The following SOX6 variants were observed in gnomAD, a reference collection of about 807,000 sequenced individuals.
SOX6 encodes the protein SRY-box transcription factor 6.
In SOX6, 11 loss-of-function variants were observed where a neutral mutation model predicts 97.8. The observed-to-expected ratio is 0.11, with a 90% CI of 0.07 to 0.19. SOX6 has a LOEUF of 0.19. Ranked by LOEUF, SOX6 falls within the 10% of genes least tolerant of loss-of-function variation. SOX6 has a pLI of 1.00. For missense variants in SOX6, 810 were observed against 1,039.5 expected (o/e 0.78, Z 3.04); for synonymous variants, 360 against 371.4 (o/e 0.97, Z 0.35).
chr11:16,111,727 T>C (rs369892036), intron 7 of SOX6, 76 bp downstream of exon 7: 33 of 1,551,854 alleles, frequency 2.1e-5, no homozygotes, highest in African/African-American at 1.8e-4. Context: ...CATGCTCCTG[T>C]GTTTGTTGTG....
At chr11:16,004,211 A>G (rs1037164796) in intron 13 of SOX6, among the ~76,000 whole-genome samples, 15 of 152,038 alleles carry the variant, frequency 9.9e-5, no homozygotes, top group African/African-American at 3.6e-4. Flanking sequence ...TCCTCATTCC[A>G]AATGAGGAAA....
Position 16,613,057 on chromosome 11 carries a change from GA to G in SOX6, n.430-798del. Reference sequence around the variant, plus strand: ...GTTGAGTTTAGGGAATGTCTGGAAAGAAAAAAAGGGAGGAAAAAAGGAGGGG... The same window carrying G: ...GTTGAGTTTAGGGAATGTCTGGAAAGAAAAAAGGGAGGAAAAAAGGAGGGG... On this transcript the variant is annotated intron_variant and non_coding_transcript_variant, in intron 3 of 5. Transcript: ENST00000524520. This position sits in a 1 kb window ranked among gnomAD's most constrained non-coding sequence, Gnocchi z 4.6. The G allele has an allele frequency of 1.3e-5, 2 of 152,414 alleles. No homozygotes were observed. The highest frequency in any genetic ancestry group is 2.9e-5 in the Non-Finnish European group (2 of 68,346). The allele number at this position is 152,414 out of a possible 1,614,324, so 9.4% of individuals were successfully genotyped here.
intron 2 of SOX6, among the ~76,000 whole-genome samples, chr11:16,726,258 G>T (rs1848305827): frequency 6.6e-6 from 1 of 152,044 alleles, no homozygotes; most frequent in African/African-American, 2.4e-5. Context: ...AAAATACAAA[G>T]ATCAGCTGGG....
chr11:16,449,929 T>A (rs1452712813), intron 1 of SOX6, among the ~76,000 whole-genome samples: 1 of 152,202 alleles, frequency 6.6e-6, no homozygotes, highest in Non-Finnish European at 1.5e-5. Flanking sequence ...TGACAGACAG[T>A]TGCTAAATAC....
chr11:16,350,661 T>A (rs1305029485), intron 1 of SOX6, among the ~76,000 whole-genome samples: 2 of 152,178 alleles, frequency 1.3e-5, no homozygotes, highest in East Asian at 3.8e-4. Flanking sequence ...AAAGGAAACT[T>A]CTTGTCAGAG....
chr11:16,514,029 C>G (rs189264810), intron 4 of SOX6, among the ~76,000 whole-genome samples: 1 of 152,092 alleles, frequency 6.6e-6, no homozygotes, highest in East Asian at 1.9e-4. Context: ...TGGGCAACAA[C>G]AGTGAGACCT....
At chr11:16,670,970 C>T (rs1674502843) in intron 3 of SOX6, among the ~76,000 whole-genome samples, 1 of 151,922 alleles carries the variant, frequency 6.6e-6, no homozygotes, top group Non-Finnish European at 1.5e-5. Flanking sequence ...CAAGAGCCTA[C>T]CAACTGACCA....
At chr11:16,286,513 T>C (rs1854747424) in intron 3 of SOX6, among the ~76,000 whole-genome samples, 1 of 152,184 alleles carries the variant, frequency 6.6e-6, no homozygotes, top group Non-Finnish European at 1.5e-5. Context: ...ATGCTCTCTC[T>C]ATATAGCATA....
At chr11:16,099,123 C>T (rs887854527) in intron 7 of SOX6, among the ~76,000 whole-genome samples, 2 of 151,822 alleles carry the variant, frequency 1.3e-5, no homozygotes, top group Admixed American at 6.6e-5. Context: ...TGGAGCGCTG[C>T]TACAATGCAT....
rs539380828 is a variant in SOX6 at position 16,513,360 on chromosome 11, C to T, written n.610-36972G>A. 7.9e-5 allele frequency among the ~76,000 whole-genome samples: 12 copies of T among 152,316 alleles called. No individual in the cohort carries two copies. The South Asian group carries it at 2.3e-3, about 29-fold the overall frequency. On this transcript the variant is annotated intron_variant and non_coding_transcript_variant, in intron 4 of 5. Transcript: ENST00000524520. ...TAAAACAGTGGAAGGGGGCCGGGCA[C>T]AGTGGCTCAGGCCTGTAATCCCAGC...
chr11:16,386,318 T>C (rs1300835325), intron 1 of SOX6, among the ~76,000 whole-genome samples: 1 of 149,588 alleles, frequency 6.7e-6, no homozygotes, highest in East Asian at 2.0e-4. Context: ...GAATATCACA[T>C]TGGAAAAACC....
chr11:16,036,559 T>C (rs2133892826), intron 12 of SOX6, among the ~76,000 whole-genome samples: 1 of 152,342 alleles, frequency 6.6e-6, no homozygotes, highest in East Asian at 1.9e-4. Flanking sequence ...GGACGAGTTA[T>C]GATTCTGTAA....
intron 6 of SOX6, among the ~76,000 whole-genome samples, chr11:16,178,713 G>A (rs1411874885): frequency 1.3e-5 from 2 of 151,848 alleles, no homozygotes; most frequent in Non-Finnish European, 2.9e-5. Flanking sequence ...AAGTTGGAAG[G>A]AGATCCATTA....
chr11:16,225,503 T>C (rs1852660855), intron 4 of SOX6, among the ~76,000 whole-genome samples: 2 of 150,570 alleles, frequency 1.3e-5, no homozygotes, highest in South Asian at 4.1e-4. Flanking sequence ...AACAGAGTAT[T>C]CTGTAGAAAA....
intron 3 of SOX6, among the ~76,000 whole-genome samples, chr11:16,306,117 G>T (rs774245374): frequency 2.0e-5 from 3 of 152,128 alleles, no homozygotes; most frequent in Non-Finnish European, 2.9e-5. Flanking sequence ...CAATAATGTA[G>T]TACAAATGGA....
chr11:16,047,698 T>TAG (rs1855874944), intron 11 of SOX6, among the ~76,000 whole-genome samples: 1 of 129,708 alleles, frequency 7.7e-6, no homozygotes, highest in Non-Finnish European at 1.6e-5. Flanking sequence ...AATCATTTCA[T>TAG]AGCGTGTGTG....
At chr11:16,039,941 A>G (rs1855614987) in intron 12 of SOX6, among the ~76,000 whole-genome samples, 1 of 152,006 alleles carries the variant, frequency 6.6e-6, no homozygotes, top group Admixed American at 6.6e-5. Flanking sequence ...AAGAGATTAC[A>G]TCTAGAAGAG....
rs1247347835 is a variant in SOX6 at position 16,111,874 on chromosome 11, T to C, written c.827A>G (p.Gln276Arg). The part of the protein sequence containing the change: ...PLMIPIFPHD[Q>R]RTLAAAAAAQ... ...AGCAGCAGCTGCTGCCAGAGTCCGC[T>C]GGTCATGTGGAAAAATTGGGATCAT... Residue 276 changes from glutamine (Q) to arginine (R), a missense_variant, in exon 7 of 16, where the codon CAG becomes CGG. Gln to Arg is a conservative substitution (Grantham distance 43). Around this residue, in one of 9 missense-constraint regions of SOX6, gnomAD observed 244 missense variants for 261.0 expected, o/e 0.93. Coordinates refer to ENST00000683767, the MANE Select transcript of SOX6 (RefSeq NM_001367873.1). 6.2e-7 allele frequency: 1 copy of C among 1,612,710 alleles called. No individual in the cohort carries two copies.
intron 3 of SOX6, among the ~76,000 whole-genome samples, chr11:16,619,336 T>C (rs1404443093): frequency 2.0e-5 from 3 of 151,812 alleles, no homozygotes; most frequent in Non-Finnish European, 4.4e-5. Context: ...TTTTTTTTAA[T>C]GTTTAAGTTT....
Sources: allele counts gnomAD v4.1 joint callset (sites outside exome capture counted in the v4.1 genomes callset), GRCh38; gene constraint gnomAD v4.1.1; regional missense constraint gnomAD v4.1.1; non-coding constraint Gnocchi (gnomAD v3.1); transcripts MANE v1.5; gene names NCBI Gene and HGNC (gene_info 2026-07-23, HGNC 2026-07-21).